Variants in BPTF observed in about 807,000 individuals in gnomAD.
BPTF encodes bromodomain PHD finger transcription factor.
A neutral mutation model predicts 292.5 loss-of-function variants in BPTF; 18 were observed. That is an observed-to-expected ratio of 0.06 (90% CI 0.04 to 0.09). BPTF has a LOEUF of 0.09. BPTF is among the 10% of genes least tolerant of loss of function. The pLI, the probability that BPTF is intolerant of heterozygous loss-of-function variation, is 1.00. For synonymous variants in BPTF, 1,225 were observed against 1,251.9 expected (o/e 0.98, Z 0.45); for missense variants, 2,726 against 3,498.7 (o/e 0.78, Z 5.57).
At chr17:67,932,668 T>C (rs1046611563) in intron 18 of BPTF, among the ~76,000 whole-genome samples, 1 of 152,038 alleles carries the variant, frequency 6.6e-6, no homozygotes, top group Non-Finnish European at 1.5e-5. Context: ...GCCACTGCAC[T>C]CCAGCTTGGG....
At chr17:67,918,339 T>C (rs1371041976) in intron 11 of BPTF, among the ~76,000 whole-genome samples, 1 of 152,254 alleles carries the variant, frequency 6.6e-6, no homozygotes, top group Non-Finnish European at 1.5e-5. Context: ...ATAACAATTA[T>C]CTATTTCTCT....
At position 67,929,195 on chromosome 17, in the gene BPTF, T is replaced by G. The variant is rs1310281444; in HGVS notation, c.5999-141T>G. On this transcript the variant is annotated intron_variant, in intron 16 of 27. Coordinates refer to ENST00000306378, the MANE Select transcript of BPTF (RefSeq NM_182641.4). ...CCATTATTTTTCATCTCCTTTTCAC[T>G]GATTTCAGTCCTCGGATCTCACATT... 3.5e-6 allele frequency: 5 copies of G among 1,420,928 alleles called. No individual in the cohort carries two copies. In the African/African-American group the frequency reaches 5.8e-5, roughly 16 times the overall value. 88.0% of individuals were successfully genotyped at this position (1,420,928 alleles called of 1,614,324 possible).
Position 67,947,740 on chromosome 17 carries a change from T to A in BPTF, c.7632T>A (p.His2544Gln), listed in dbSNP as rs1555676151. ...EIIQKQVVMKHNAVIEHLKQK... is the reference protein window; with the variant it reads ...EIIQKQVVMKQNAVIEHLKQK... ...CTGTCCTGAAGGTGGTGATGAAGCA[T>A]AATGCTGTAATAGAACATTTAAAAC... The change falls in exon 22 of 28, where the codon CAT becomes CAA. Residue 2544 changes from histidine to glutamine, a missense_variant. Around this residue, in one of 22 missense-constraint regions of BPTF, gnomAD observed 570 missense variants for 633.5 expected, o/e 0.90. Transcript: ENST00000306378. The A allele has an allele frequency of 1.3e-6, 2 of 1,554,642 alleles. No homozygotes were observed. Among genetic ancestry groups the A allele is most frequent in the Non-Finnish European group, 1.7e-6 (2 of 1,148,216 alleles).
chr17:67,878,708 C>T (rs1034623391), intron 4 of BPTF, among the ~76,000 whole-genome samples: 9 of 151,466 alleles, frequency 5.9e-5, no homozygotes, highest in African/African-American at 1.9e-4. Flanking sequence ...GTGTGTCAGT[C>T]GTTTAGATAT....
intron 1 of BPTF, among the ~76,000 whole-genome samples, chr17:67,848,121 A>G (rs1567892384): frequency 6.6e-6 from 1 of 152,114 alleles, no homozygotes; most frequent in Non-Finnish European, 1.5e-5. Context: ...AACACACATT[A>G]TATAGAGAGT....
rs1165723684 is a variant in BPTF, at chr17:67,904,968, CTAGTT to C, written c.2812+136_2812+140del. On this transcript the variant is annotated intron_variant, in intron 9 of 27. Coordinates refer to ENST00000306378, the MANE Select transcript of BPTF (RefSeq NM_182641.4). ...AATTTTTATTCGTACTGCAGAATTA[CTAGTT>C]TAGTTTACTAAAACCCTAAAACTTT... is the stretch of plus-strand genomic sequence containing the variant. 10 of 688,610 alleles carry C rather than the reference CTAGTT, an allele frequency of 1.5e-5. No individual in the cohort carries two copies. In the South Asian group the frequency reaches 3.0e-4, roughly 21 times the overall value. The allele number at this position is 688,610 out of a possible 1,614,324, so 42.7% of individuals were successfully genotyped here. A position where few individuals can be genotyped will look rare whatever the true frequency, so the allele number is the denominator to read the frequency against.
At chr17:67,969,068 G>A (rs1353962356) in intron 26 of BPTF, among the ~76,000 whole-genome samples, 1 of 151,482 alleles carries the variant, frequency 6.6e-6, no homozygotes, top group Non-Finnish European at 1.5e-5. Context: ...TTCACAGGCC[G>A]AGACAAGCAG....
At chr17:67,963,577 T>C in intron 24 of BPTF, 4 of 1,282,450 alleles carry the variant, frequency 3.1e-6, no homozygotes, top group Non-Finnish European at 4.0e-6. Flanking sequence ...TACTTATTTA[T>C]TTTAAAATAA....
At chr17:67,828,172 C>T (rs1037093484) in intron 1 of BPTF, among the ~76,000 whole-genome samples, 3 of 152,048 alleles carry the variant, frequency 2.0e-5, no homozygotes, top group Non-Finnish European at 2.9e-5. Context: ...CCTCGTGATC[C>T]GCCTACCTCG....
Position 67,918,816 on chromosome 17 carries a change from A to G in BPTF, c.5406A>G (p.Pro1802=), listed in dbSNP as rs138636027. The G allele has an allele frequency of 5.0e-6, 8 of 1,613,472 alleles. No individual in the cohort carries two copies. Among genetic ancestry groups the G allele is most frequent in the Non-Finnish European group, 6.8e-6 (8 of 1,179,632 alleles). ...ATGATATGGCGGCCAAGGCTCCTCC[A>G]GGAGGAGGGACTACACGGACAGGTA... ...RWDDMAAKAP[P]GGGTTRTETS... is the part of the protein sequence containing the mutation. The change falls in exon 12 of 28, where the codon CCA becomes CCG. Residue 1802 remains proline (P), a synonymous_variant. Coordinates refer to ENST00000306378, the MANE Select transcript of BPTF (RefSeq NM_182641.4).
chr17:67,953,585 T>C (rs1555679455), intron 23 of BPTF, among the ~76,000 whole-genome samples: 1 of 149,682 alleles, frequency 6.7e-6, no homozygotes, highest in African/African-American at 2.5e-5. Context: ...ATTTTTTTTT[T>C]TTTTTTGGAG....
intron 11 of BPTF, 50 bp from the exon 12 acceptor site, chr17:67,918,664 G>T (rs753975034): frequency 4.0e-6 from 6 of 1,510,062 alleles, no homozygotes; most frequent in African/African-American, 1.4e-5. Flanking sequence ...ATGTGTATGT[G>T]TATGTATATA....
At chr17:67,878,376 A>G (rs1445089912) in intron 4 of BPTF, among the ~76,000 whole-genome samples, 2 of 152,140 alleles carry the variant, frequency 1.3e-5, no homozygotes, top group Non-Finnish European at 2.9e-5. Flanking sequence ...TCTTGTGCAC[A>G]TACATGTGCA....
chr17:67,923,699 C>G (rs564349019), intron 14 of BPTF, among the ~76,000 whole-genome samples: 2 of 149,030 alleles, frequency 1.3e-5, no homozygotes, highest in African/African-American at 2.5e-5. Context: ...AGGCTGGTCT[C>G]GAACTCCTGA....
intron 2 of BPTF, among the ~76,000 whole-genome samples, chr17:67,857,575 T>C (rs545023766): frequency 5.4e-4 from 81 of 151,162 alleles, no homozygotes; most frequent in Non-Finnish European, 7.7e-4. Context: ...CAAGCAGTCC[T>C]CCTGCTTCAG....
At position 67,862,228 on chromosome 17, in the gene BPTF, G is replaced by A. The variant is rs560260488; in HGVS notation, c.1437-4236G>A. Reference sequence around the variant, plus strand: ...CGACCTCAGGTAATCCACCTGCCTCGGACTCCGAAAGTGCTGGGATTACAG... The same window carrying A: ...CGACCTCAGGTAATCCACCTGCCTCAGACTCCGAAAGTGCTGGGATTACAG... On this transcript the variant is annotated intron_variant, in intron 2 of 27. Transcript: ENST00000306378. Among the ~76,000 whole-genome samples, 6 of 152,184 alleles carry A rather than the reference G, an allele frequency of 3.9e-5. No homozygotes were observed. The East Asian group carries it at 5.8e-4, about 15-fold the overall frequency.
At chr17:67,977,582 TC>T (rs1429127135) in intron 27 of BPTF, 3 of 147,918 alleles carry the variant, frequency 2.0e-5, no homozygotes, top group Non-Finnish European at 3.0e-5. Flanking sequence ...TAATGTATCT[TC>T]CTGTAATCCC....
intron 27 of BPTF, 68 bp from the exon 28 acceptor site, chr17:67,982,184 C>G (rs1278478734): frequency 7.1e-7 from 1 of 1,412,450 alleles, no homozygotes; most frequent in Non-Finnish European, 1.0e-6. Flanking sequence ...CCTTGGCATC[C>G]GCATAAAGCA....
chr17:67,934,991 T>C (rs2064792765), intron 18 of BPTF, among the ~76,000 whole-genome samples: 1 of 152,172 alleles, frequency 6.6e-6, no homozygotes, highest in African/African-American at 2.4e-5. Context: ...AAGCTGCAGT[T>C]AAACTTTGAG....
Sources: gnomAD v4.1 joint callset for allele counts (sites outside exome capture counted in the v4.1 genomes callset) on GRCh38, gnomAD v4.1.1 for gene constraint, gnomAD v4.1.1 regional missense constraint, MANE v1.5 for transcripts, NCBI Gene and HGNC (gene_info 2026-07-23, HGNC 2026-07-21) for gene names.